Variants in SH3TC2 observed in about 807,000 individuals in gnomAD.
The protein encoded by SH3TC2 is SH3 domain and tetratricopeptide repeat-containing protein 2.
In SH3TC2, 87 loss-of-function variants were observed where a neutral mutation model predicts 124.5. That is an observed-to-expected ratio of 0.70 (90% CI 0.59 to 0.84). The LOEUF (loss-of-function observed/expected upper bound fraction) is 0.84, where lower values mean the gene tolerates loss of function less well. SH3TC2 is among the 40% of genes least tolerant of loss of function. The pLI, the probability that SH3TC2 is intolerant of heterozygous loss-of-function variation, is 0.00. For synonymous variants in SH3TC2, 634 were observed against 628.5 expected, an observed-to-expected ratio of 1.01 and a Z score of -0.13; for missense variants, 1,536 against 1,566.4, an observed-to-expected ratio of 0.98 and a Z score of 0.33.
In SH3TC2 at chr5:149,042,780, C is replaced by T. The variant is rs1483097983; in HGVS notation, c.443G>A (p.Cys148Tyr). ...GATCTCTGTATCCTCCACCAATATG[C>T]AGTTGAGCCAGTACTTGTGGTCAAA... The part of the protein sequence containing the change: ...LLFDHKYWLN[C>Y]ILVEDTEIQV... Residue 148 changes from cysteine to tyrosine, a missense_variant, in exon 5 of 17, where the codon TGC becomes TAC. Around this residue, in one of 3 missense-constraint regions of SH3TC2, gnomAD observed 1,102 missense variants for 1,098.6 expected, o/e 1.00. Transcript: ENST00000515425. 3 of 1,614,024 alleles carry T rather than the reference C, an allele frequency of 1.9e-6. No homozygotes were observed. The highest frequency in any genetic ancestry group is 2.5e-6 in the Non-Finnish European group (3 of 1,180,020).
At chr5:149,018,950 C>A (rs961458667) in intron 12 of SH3TC2, among the ~76,000 whole-genome samples, 2 of 152,212 alleles carry the variant, frequency 1.3e-5, no homozygotes, top group Non-Finnish European at 2.9e-5. Context: ...CTACAAACCT[C>A]CCCCTACAGA....
rs893658102 is a variant in SH3TC2, at chr5:148,984,743, G to T, written c.*19968C>A. 7.2e-5 allele frequency among the ~76,000 whole-genome samples: 11 copies of T among 152,180 alleles called. No individual in the cohort carries two copies. The highest frequency in any genetic ancestry group is 2.7e-4 in the African/African-American group (11 of 41,458). On this transcript the variant is annotated 3_prime_UTR_variant, in exon 17 of 17. Coordinates refer to ENST00000515425, the MANE Select transcript of SH3TC2 (RefSeq NM_024577.4). ...CAACCCTCAAAGAGCTGTGCTTGGT[G>T]CTGTAAACAAATTTGTTCCCAGTAT...
chr5:149,023,583 C>CTTTTTTTCTTTT (rs1754012922), intron 12 of SH3TC2, among the ~76,000 whole-genome samples: 1 of 107,260 alleles, frequency 9.3e-6, no homozygotes, highest in Non-Finnish European at 1.9e-5. Flanking sequence ...TAGTGTAATC[C>CTTTTTTTCTTTT]TTTTTTTTTT....
At position 149,006,864 on chromosome 5, in the gene SH3TC2, GGAA is replaced by G. The variant is rs1561756917; in HGVS notation, c.3675+14_3675+16del. The G allele has an allele frequency of 6.2e-7, 1 of 1,612,100 alleles. No homozygotes were observed. Among genetic ancestry groups the G allele is most frequent in the African/African-American group, 1.3e-5 (1 of 74,986 alleles). On this transcript the variant is annotated intron_variant, in intron 16 of 16. Transcript: ENST00000515425. ...TGGGTGGTGGCTGTCAGGAAATCTGGGAAGTCTGGCTCTTACCTTCAGCTGGCA... is the reference window on the plus strand; with the variant it reads ...TGGGTGGTGGCTGTCAGGAAATCTGGGTCTGGCTCTTACCTTCAGCTGGCA...
At chr5:149,038,230 A>G (rs1014650190) in intron 8 of SH3TC2, 65 bp downstream of exon 8, 1 of 1,555,980 alleles carries the variant, frequency 6.4e-7, no homozygotes, top group Non-Finnish European at 8.8e-7. Context: ...AAATCTGCTC[A>G]AAGAGGGGAG....
At position 148,994,490 on chromosome 5, in the gene SH3TC2, G is replaced by A. The variant is rs1031843480; in HGVS notation, c.*10221C>T. Among the ~76,000 whole-genome samples the A allele has an allele frequency of 1.2e-4, 19 of 152,156 alleles. No homozygotes were observed. The highest frequency in any genetic ancestry group is 4.6e-4 in the African/African-American group (19 of 41,422). On this transcript the variant is annotated 3_prime_UTR_variant, in exon 17 of 17. Transcript: ENST00000515425. ...GAGCCCATAGGACTTATGAAGACAGGGACTGTCATTATCTTGCTCACTGGA... is the reference window on the plus strand; with the variant it reads ...GAGCCCATAGGACTTATGAAGACAGAGACTGTCATTATCTTGCTCACTGGA...
intron 12 of SH3TC2, among the ~76,000 whole-genome samples, chr5:149,020,715 A>G (rs1753954445): frequency 6.6e-6 from 1 of 152,196 alleles, no homozygotes; most frequent in Admixed American, 6.5e-5. Flanking sequence ...ACAATGAAGG[A>G]CATTTTATAA....
intron 8 of SH3TC2, chr5:149,035,755 C>T (rs1754273573): frequency 6.6e-6 from 1 of 152,206 alleles, no homozygotes; most frequent in Non-Finnish European, 1.5e-5. Flanking sequence ...CATAGTCCAC[C>T]TCACACAGCA....
At chr5:149,025,459 CCTCT>C (rs891681233) in intron 12 of SH3TC2, among the ~76,000 whole-genome samples, 1 of 152,124 alleles carries the variant, frequency 6.6e-6, no homozygotes, top group East Asian at 1.9e-4. Context: ...TCCTCAACAA[CCTCT>C]CTCTCTGCTT....
chr5:149,057,843 A>G (rs1268390317), intron 1 of SH3TC2, among the ~76,000 whole-genome samples: 2 of 152,178 alleles, frequency 1.3e-5, no homozygotes, highest in Non-Finnish European at 2.9e-5. Context: ...CTCTCTCCCT[A>G]GCTCCAAAAG....
intron 8 of SH3TC2, among the ~76,000 whole-genome samples, chr5:149,036,456 A>C (rs926532512): frequency 2.1e-4 from 32 of 152,122 alleles, no homozygotes; most frequent in African/African-American, 7.5e-4. Context: ...CTGTAAATGG[A>C]GGCATCCTCC....
At chr5:149,009,156 C>G (rs975863176) in intron 14 of SH3TC2, among the ~76,000 whole-genome samples, 155 bp from the exon 15 acceptor site, 8 of 152,190 alleles carry the variant, frequency 5.3e-5, no homozygotes, top group African/African-American at 1.9e-4. Flanking sequence ...CTTTACTCAA[C>G]CCTCTCTCTC....
intron 13 of SH3TC2, 61 bp from the exon 14 acceptor site, chr5:149,010,453 C>A: frequency 6.2e-7 from 1 of 1,609,080 alleles, no homozygotes; most frequent in Non-Finnish European, 8.5e-7. Flanking sequence ...CTCCACAGGA[C>A]TGGCAGAGCT....
chr5:149,019,041 G>A (rs949201291), intron 12 of SH3TC2, among the ~76,000 whole-genome samples: 2 of 152,112 alleles, frequency 1.3e-5, no homozygotes, highest in Non-Finnish European at 2.9e-5. Flanking sequence ...ATCCCTAGAG[G>A]GGAATTTAGT....
At position 149,028,469 on chromosome 5, in the gene SH3TC2, G is replaced by A. The variant is rs2127397683; in HGVS notation, c.1263C>T (p.Ser421=). 4 of 1,612,630 alleles carry A rather than the reference G, an allele frequency of 2.5e-6. No individual in the cohort carries two copies. Among genetic ancestry groups the A allele is most frequent in the Non-Finnish European group, 3.4e-6 (4 of 1,179,076 alleles). The stretch of plus-strand genomic sequence containing the variant: ...CCTCCTCCAGGCTGGAGTCCTCAGA[G>A]CTGCTGGACTGTCTGGACCCCACGG... ...HQAVGSRQSS[S]SEDSSLEEEL... Residue 421 remains serine (S), a synonymous_variant, in exon 11 of 17, where the codon AGC becomes AGT. Transcript: ENST00000515425.
At position 149,006,998 on chromosome 5, in the gene SH3TC2, C is replaced by T. The variant is rs200721383; in HGVS notation, c.3558G>A (p.Glu1186=). The T allele has an allele frequency of 3.1e-6, 5 of 1,614,178 alleles. No individual in the cohort carries two copies. Among genetic ancestry groups the T allele is most frequent in the South Asian group, 1.1e-5 (1 of 91,074 alleles). ...YYSLHMYEMA[E]DCYLKTLSLC... ...GGGACAGGGTCTTCAGGTAGCAGTC[C>T]TCAGCCATCTCATACATGTGCAGGG... The change falls in exon 16 of 17, where the codon GAG becomes GAA. Residue 1186 remains glutamate (E), a synonymous_variant. Coordinates refer to ENST00000515425, the MANE Select transcript of SH3TC2 (RefSeq NM_024577.4).
At position 149,047,937 on chromosome 5, in the gene SH3TC2, T is replaced by A; in HGVS notation, c.204A>T (p.Gly68=). The A allele has an allele frequency of 6.2e-7, 1 of 1,614,040 alleles. No homozygotes were observed. ...GCCTCCGAGCAGCTTCCTGTAGGGG[T>A]CCATTTACACACCTCCTGGAGCGGC... ...VKSRSRRCVN[G]PLQEAARRRL... The change falls in exon 3 of 17, where the codon GGA becomes GGT. Residue 68 remains glycine, a synonymous_variant. Coordinates refer to ENST00000515425, the MANE Select transcript of SH3TC2 (RefSeq NM_024577.4).
At chr5:149,061,138 G>A (rs1170332373) in intron 1 of SH3TC2, among the ~76,000 whole-genome samples, 1 of 152,134 alleles carries the variant, frequency 6.6e-6, no homozygotes, top group Non-Finnish European at 1.5e-5. Context: ...GTGAATGCGG[G>A]GTGCCAGCCA....
In SH3TC2 at chr5:149,027,976, G is replaced by A. The variant is rs1471968081; in HGVS notation, c.1756C>T (p.His586Tyr). The change falls in exon 11 of 17, where the codon CAT (histidine) becomes TAT (tyrosine). Residue 586 changes from histidine to tyrosine, a missense_variant. His to Tyr is a moderately conservative substitution (Grantham distance 83). Around this residue, in one of 3 missense-constraint regions of SH3TC2, gnomAD observed 1,102 missense variants for 1,098.6 expected, o/e 1.00. Transcript: ENST00000515425. ...TTTTCCAACAGGGCGGAGCCTTTATGTCTCAGCCTCTGTTTCAGGTAGATG... is the reference window on the plus strand; with the variant it reads ...TTTTCCAACAGGGCGGAGCCTTTATATCTCAGCCTCTGTTTCAGGTAGATG... ...AAIYLKQRLRHKGSALLEKAG... is the reference protein window; with the variant it reads ...AAIYLKQRLRYKGSALLEKAG... The A allele has an allele frequency of 1.9e-6, 3 of 1,614,198 alleles. No homozygotes were observed. Among genetic ancestry groups the A allele is most frequent in the Non-Finnish European group, 2.5e-6 (3 of 1,180,048 alleles).
Sources: gnomAD v4.1 joint callset for allele counts (sites outside exome capture counted in the v4.1 genomes callset) on GRCh38, gnomAD v4.1.1 for gene constraint, gnomAD v4.1.1 regional missense constraint, MANE v1.5 for transcripts, NCBI Gene and HGNC (gene_info 2026-07-23, HGNC 2026-07-21) for gene names.